The following PUS7 variants were observed in gnomAD, a reference collection of about 807,000 sequenced individuals.
PUS7 encodes pseudouridylate synthase 7 homolog.
In PUS7, 48 loss-of-function variants were observed where a neutral mutation model predicts 79.8. That is an observed-to-expected ratio of 0.60 (90% CI 0.48 to 0.76). The LOEUF (loss-of-function observed/expected upper bound fraction) is 0.76, where lower values mean the gene tolerates loss of function less well. Among genes scored for constraint, PUS7 ranks in the 30% least tolerant of loss-of-function variants. PUS7 has a pLI of 0.00. For synonymous variants in PUS7, 286 were observed against 272.2 expected (o/e 1.05, Z -0.50); for missense variants, 729 against 797.6 (o/e 0.91, Z 1.04).
At position 105,506,359 on chromosome 7, in the gene PUS7, A is replaced by C. The variant is rs1309273510; in HGVS notation, c.399-86T>G. 7.7e-6 allele frequency: 7 copies of C among 908,858 alleles called. No individual in the cohort carries two copies. In the East Asian group the frequency reaches 1.6e-4, roughly 20 times the overall value. The allele number at this position is 908,858 out of a possible 1,614,324, so 56.3% of individuals were successfully genotyped here. ...ATAAAGTTGATCAACAGCAAGCCTT[A>C]CTATTATGCAAAACAAGGAATTTTA... On this transcript the variant is annotated intron_variant, in intron 2 of 15. Transcript: ENST00000469408.
chr7:105,494,468 G>C (rs1472683749), intron 6 of PUS7, among the ~76,000 whole-genome samples: 1 of 140,108 alleles, frequency 7.1e-6, no homozygotes, highest in African/African-American at 2.6e-5. Context: ...GGAGTGCAGT[G>C]GCACAATCTC....
chr7:105,479,908 G>A (rs1033683009), intron 9 of PUS7, among the ~76,000 whole-genome samples: 1 of 152,190 alleles, frequency 6.6e-6, no homozygotes, highest in African/African-American at 2.4e-5. Context: ...TGAGGCAGGA[G>A]AATCACTTGA....
intron 9 of PUS7, among the ~76,000 whole-genome samples, chr7:105,476,546 C>T (rs1016211241): frequency 1.3e-5 from 2 of 151,978 alleles, no homozygotes; most frequent in African/African-American, 4.8e-5. Flanking sequence ...TTAGTAGAGA[C>T]GGGTTTTCAC....
At chr7:105,520,905 G>C (rs931257808) in intron 1 of PUS7, among the ~76,000 whole-genome samples, 1 of 152,096 alleles carries the variant, frequency 6.6e-6, no homozygotes, top group South Asian at 2.1e-4. Flanking sequence ...CTACTTGGGA[G>C]GCTGAGGTGA....
In PUS7 at chr7:105,499,227, G is replaced by A. The variant is rs544477820; in HGVS notation, c.730+3193C>T. Among the ~76,000 whole-genome samples the A allele has an allele frequency of 7.2e-5, 11 of 152,244 alleles. No homozygotes were observed. In the South Asian group the frequency reaches 2.3e-3, roughly 32 times the overall value. Reference sequence around the variant, plus strand: ...TCTGTAGCATTTTCCATTGCCACAGGAATGGAAGCAATGGTAGTCCATTGA... The same window carrying A: ...TCTGTAGCATTTTCCATTGCCACAGAAATGGAAGCAATGGTAGTCCATTGA... On this transcript the variant is annotated intron_variant, in intron 5 of 15. Transcript: ENST00000469408.
At chr7:105,521,936 C>T (rs1406649761) in intron 1 of PUS7, 116 bp downstream of exon 1, 3 of 152,510 alleles carry the variant, frequency 2.0e-5, no homozygotes, top group African/African-American at 7.2e-5. Context: ...GCGGGGCCGC[C>T]TTCCCAGTCC....
intron 7 of PUS7, among the ~76,000 whole-genome samples, chr7:105,490,625 T>C (rs985855620): frequency 6.6e-6 from 1 of 152,206 alleles, no homozygotes; most frequent in Non-Finnish European, 1.5e-5. Context: ...ATCTACATCC[T>C]GCCTAACTCC....
intron 6 of PUS7, among the ~76,000 whole-genome samples, chr7:105,492,895 G>A (rs1301232555): frequency 2.6e-5 from 4 of 152,010 alleles, no homozygotes; most frequent in Admixed American, 6.6e-5. Flanking sequence ...CACCCGCCTC[G>A]GCCTCCCAAA....
intron 9 of PUS7, among the ~76,000 whole-genome samples, 193 bp from the exon 10 acceptor site, chr7:105,472,386 C>G (rs894146875): frequency 6.6e-6 from 1 of 152,162 alleles, no homozygotes; most frequent in African/African-American, 2.4e-5. Context: ...GCTGGGACTA[C>G]AGACGCACAC....
intron 12 of PUS7, among the ~76,000 whole-genome samples, chr7:105,466,878 T>C (rs78780883): frequency 0.011 from 1,641 of 152,056 alleles, 28 homozygotes; most frequent in African/African-American, 0.037. Context: ...GGAAAAATAA[T>C]TTAAAATTTC....
At chr7:105,460,029 C>G (rs924273560) in intron 14 of PUS7, among the ~76,000 whole-genome samples, 3 of 152,288 alleles carry the variant, frequency 2.0e-5, no homozygotes, top group African/African-American at 7.2e-5. Context: ...AGCTCCGCCT[C>G]CCGGGTTCAC....
chr7:105,459,992 G>A (rs149042806), intron 14 of PUS7, among the ~76,000 whole-genome samples: 1,729 of 152,250 alleles, frequency 0.011, 31 homozygotes, highest in African/African-American at 0.039. Flanking sequence ...AGGCTGGAGT[G>A]TAGTGGCGTG....
chr7:105,481,491 T>C (rs1401597667), intron 8 of PUS7, among the ~76,000 whole-genome samples: 3 of 152,208 alleles, frequency 2.0e-5, no homozygotes, highest in African/African-American at 7.2e-5. Flanking sequence ...AATTCCTACA[T>C]GCTTAGTGTT....
At chr7:105,519,115 C>G (rs886526857) in intron 1 of PUS7, among the ~76,000 whole-genome samples, 1 of 152,146 alleles carries the variant, frequency 6.6e-6, no homozygotes, top group Non-Finnish European at 1.5e-5. Flanking sequence ...TATTTCAAAA[C>G]TATCCACAAC....
At chr7:105,496,624 T>C (rs1825047404) in intron 5 of PUS7, among the ~76,000 whole-genome samples, 1 of 152,202 alleles carries the variant, frequency 6.6e-6, no homozygotes, top group Non-Finnish European at 1.5e-5. Flanking sequence ...AAGCACTGTT[T>C]GGTAAGTTAG....
intron 1 of PUS7, among the ~76,000 whole-genome samples, chr7:105,515,019 C>T (rs1825843111): frequency 6.6e-6 from 1 of 152,164 alleles, no homozygotes; most frequent in South Asian, 2.1e-4. Context: ...TGGTCTCGAT[C>T]TCCTGACCTC....
chr7:105,496,356 A>G (rs897278893), intron 5 of PUS7, among the ~76,000 whole-genome samples: 2 of 152,064 alleles, frequency 1.3e-5, no homozygotes, highest in Non-Finnish European at 2.9e-5. Context: ...CACTTTATAG[A>G]CGCTGTACAA....
Position 105,508,290 on chromosome 7 carries a change from C to T in PUS7, c.223G>A (p.Glu75Lys). The T allele has an allele frequency of 6.2e-7, 1 of 1,614,158 alleles. No individual in the cohort carries two copies. Among genetic ancestry groups the T allele is most frequent in the Non-Finnish European group, 8.5e-7 (1 of 1,180,026 alleles). ...VSTGKGGKNS[E>K]AQLEDEEEEE... ...TCTTCCTCATCTTCCAACTGAGCCTCAGAATTCTTTCCACCTTTCCCAGTA... is the reference window on the plus strand; with the variant it reads ...TCTTCCTCATCTTCCAACTGAGCCTTAGAATTCTTTCCACCTTTCCCAGTA... Residue 75 changes from glutamate (E) to lysine (K), a missense_variant, in exon 2 of 16, where the codon GAG becomes AAG. Transcript: ENST00000469408.
intron 1 of PUS7, 119 bp downstream of exon 1, chr7:105,521,933 C>G (rs1484727129): frequency 1.3e-5 from 2 of 152,470 alleles, no homozygotes; most frequent in African/African-American, 2.4e-5. Flanking sequence ...ACTGCGGGGC[C>G]GCCTTCCCAG....
Sources: gnomAD v4.1 joint callset for allele counts (sites outside exome capture counted in the v4.1 genomes callset) on GRCh38, gnomAD v4.1.1 for gene constraint, MANE v1.5 for transcripts, NCBI Gene and HGNC (gene_info 2026-07-23, HGNC 2026-07-21) for gene names.